The following DAB1 variants were observed in gnomAD, a reference collection of about 807,000 sequenced individuals.
The protein encoded by DAB1 is DAB adaptor protein 1, also known as disabled homolog 1.
DAB1 carries 15 observed loss-of-function variants against 64.6 expected under a neutral mutation model. That is an observed-to-expected ratio of 0.23 (90% CI 0.16 to 0.36). DAB1 has a LOEUF of 0.36. Among genes scored for constraint, DAB1 ranks in the 10% least tolerant of loss-of-function variants. DAB1 has a pLI of 1.00. For synonymous variants in DAB1, 235 were observed against 251.9 expected (o/e 0.93, Z 0.64); for missense variants, 596 against 706.7 (o/e 0.84, Z 1.78).
chr1:57,447,278 G>T (rs971317116), intron 7 of DAB1, among the ~76,000 whole-genome samples: 16 of 152,170 alleles, frequency 1.1e-4, no homozygotes, highest in Admixed American at 6.5e-5. Flanking sequence ...TGAGGACAAA[G>T]CTCTCTTAGT....
chr1:57,483,453 C>A (rs1379995058), intron 7 of DAB1, among the ~76,000 whole-genome samples: 2 of 152,166 alleles, frequency 1.3e-5, no homozygotes, highest in Non-Finnish European at 2.9e-5. Flanking sequence ...TGTGCTTTCA[C>A]CTTCCAACAT....
At chr1:57,376,744 A>G (rs904962325) in intron 1 of DAB1, among the ~76,000 whole-genome samples, 1 of 152,226 alleles carries the variant, frequency 6.6e-6, no homozygotes, top group South Asian at 2.1e-4. Context: ...GGATAAAGAG[A>G]CAGAAAACTG....
chr1:57,256,289 T>C (rs1558035342), intron 2 of DAB1, among the ~76,000 whole-genome samples: 1 of 152,196 alleles, frequency 6.6e-6, no homozygotes, highest in Non-Finnish European at 1.5e-5. Context: ...AAATTGTGGA[T>C]GTTAATTAGA....
At chr1:57,480,577 C>T (rs1644004542) in intron 7 of DAB1, among the ~76,000 whole-genome samples, 3 of 151,936 alleles carry the variant, frequency 2.0e-5, no homozygotes, top group Admixed American at 2.0e-4. Context: ...CTCTGCCTCC[C>T]AGGTTCAAAT....
At chr1:57,851,237 T>C (rs1280407250) in intron 1 of DAB1, among the ~76,000 whole-genome samples, 1 of 152,214 alleles carries the variant, frequency 6.6e-6, no homozygotes, top group Non-Finnish European at 1.5e-5. Flanking sequence ...CATAGGTTAG[T>C]CTCTTTGCAG....
intron 7 of DAB1, among the ~76,000 whole-genome samples, chr1:57,628,218 G>T (rs570988766): frequency 4.3e-4 from 66 of 152,296 alleles, no homozygotes; most frequent in African/African-American, 1.5e-3. Context: ...TGGCACTCCA[G>T]GGATGTTTTA....
intron 3 of DAB1, among the ~76,000 whole-genome samples, chr1:58,478,092 T>C (rs761053028): frequency 2.0e-5 from 3 of 152,142 alleles, no homozygotes; most frequent in Non-Finnish European, 2.9e-5. Context: ...GTAATCCCCA[T>C]GTGACAAGAA....
chr1:58,414,459 C>T (rs766658686), intron 3 of DAB1, among the ~76,000 whole-genome samples: 14 of 152,212 alleles, frequency 9.2e-5, no homozygotes, highest in Admixed American at 3.3e-4. Flanking sequence ...TGAAGCAACT[C>T]GAATGCAAAG....
At position 56,997,440 on chromosome 1, in the gene DAB1, T is replaced by G. The variant is rs1645669868; in HGVS notation, c.*704A>C. On this transcript the variant is annotated 3_prime_UTR_variant, in exon 15 of 15. Coordinates refer to ENST00000371236, the MANE Select transcript of DAB1 (RefSeq NM_001365792.1). Reference sequence around the variant, plus strand: ...ATGAATAATCAACCACTTATTTGTCTTGTAATTTCAAGTTAATTCATTTCA... The same window carrying G: ...ATGAATAATCAACCACTTATTTGTCGTGTAATTTCAAGTTAATTCATTTCA... 1 of 152,328 alleles carries G rather than the reference T, an allele frequency of 6.6e-6. No homozygotes were observed. Among genetic ancestry groups the G allele is most frequent in the African/African-American group, 2.4e-5 (1 of 41,590 alleles). The allele number at this position is 152,328 out of a possible 1,614,324, so 9.4% of individuals were successfully genotyped here.
rs555236006 is a variant in DAB1, at chr1:57,691,457, C to A, written n.552-41792G>T. ...AAAAGCTGGCCACCCGAGACAGCAG[C>A]GGCAACCTGCTAAGGTCCCCTTCCA... On this transcript the variant is annotated intron_variant and non_coding_transcript_variant, in intron 6 of 20. Transcript: ENST00000485760. Among the ~76,000 whole-genome samples the A allele has an allele frequency of 2.1e-4, 32 of 152,242 alleles. No homozygotes were observed. In the South Asian group the frequency reaches 6.6e-3, roughly 32 times the overall value.
chr1:58,241,377 G>A (rs971074583), intron 4 of DAB1, among the ~76,000 whole-genome samples: 1 of 150,424 alleles, frequency 6.6e-6, no homozygotes, highest in Non-Finnish European at 1.5e-5. Flanking sequence ...AATACATTTG[G>A]ATAGTCAGGG....
At chr1:58,404,104 A>G (rs1394912832) in intron 3 of DAB1, among the ~76,000 whole-genome samples, 2 of 152,190 alleles carry the variant, frequency 1.3e-5, no homozygotes, top group Non-Finnish European at 2.9e-5. Context: ...TAGTATAAAG[A>G]ACTTTTTCAG....
chr1:58,265,410 T>C (rs1661136896), intron 4 of DAB1, among the ~76,000 whole-genome samples: 1 of 152,232 alleles, frequency 6.6e-6, no homozygotes, highest in South Asian at 2.1e-4. Context: ...GTTCTCCAGC[T>C]GGCCAAACTT....
At chr1:57,267,228 C>A (rs771019276) in intron 2 of DAB1, among the ~76,000 whole-genome samples, 9 of 152,072 alleles carry the variant, frequency 5.9e-5, no homozygotes, top group Non-Finnish European at 1.0e-4. Context: ...CCAGTGGCCA[C>A]CGAGAGCAGG....
At chr1:57,790,814 G>C (rs981399383) in intron 6 of DAB1, among the ~76,000 whole-genome samples, 1 of 152,188 alleles carries the variant, frequency 6.6e-6, no homozygotes, top group Non-Finnish European at 1.5e-5. Context: ...ATATATGTTT[G>C]AGTTTGGGTT....
chr1:58,325,718 A>C (rs973513063), intron 4 of DAB1, among the ~76,000 whole-genome samples: 1 of 152,256 alleles, frequency 6.6e-6, no homozygotes, highest in African/African-American at 2.4e-5. Flanking sequence ...TAACATAAGC[A>C]CATGAAAAAT....
intron 4 of DAB1, among the ~76,000 whole-genome samples, chr1:57,085,363 C>A (rs1040635674): frequency 1.3e-5 from 2 of 152,176 alleles, no homozygotes; most frequent in African/African-American, 2.4e-5. Flanking sequence ...CAACTGCGCC[C>A]AAGTGAGGGC....
At chr1:58,233,769 A>G (rs1292984114) in intron 4 of DAB1, among the ~76,000 whole-genome samples, 1 of 152,212 alleles carries the variant, frequency 6.6e-6, no homozygotes, top group African/African-American at 2.4e-5. Flanking sequence ...CACAGACCAT[A>G]AGAATTTGAA....
chr1:58,501,301 G>T (rs1181592916), intron 3 of DAB1, among the ~76,000 whole-genome samples: 2 of 152,012 alleles, frequency 1.3e-5, no homozygotes, highest in Admixed American at 6.6e-5. Context: ...AGCAAGAAAG[G>T]AACTCATCTA....
Sources: gnomAD v4.1 joint callset for allele counts (sites outside exome capture counted in the v4.1 genomes callset) on GRCh38, gnomAD v4.1.1 for gene constraint, MANE v1.5 for transcripts, NCBI Gene and HGNC (gene_info 2026-07-23, HGNC 2026-07-21) for gene names.